Variants in LRRC7 observed in about 807,000 individuals in gnomAD.
LRRC7 encodes leucine rich repeat containing 7.
Under a neutral mutation model 175.7 loss-of-function variants are expected in LRRC7, and 23 were observed. That is an observed-to-expected ratio of 0.13 (90% CI 0.09 to 0.19). The LOEUF (loss-of-function observed/expected upper bound fraction) is 0.19. LRRC7 is among the 10% of genes least tolerant of loss of function. The probability of loss-of-function intolerance (pLI) is 1.00; values close to 1 mark genes in which losing one functional copy is unlikely to be tolerated. For missense variants in LRRC7, 1,354 were observed against 1,904.7 expected (o/e 0.71, Z 5.38); for synonymous variants, 685 against 680.9 (o/e 1.01, Z -0.09).
chr1:70,012,022 T>G, intron 12 of LRRC7, 96 bp downstream of exon 12: 1 of 788,520 alleles, frequency 1.3e-6, no homozygotes. Flanking sequence ...ATTCATGAGT[T>G]GAGCTGTGAA....
intron 1 of LRRC7, among the ~76,000 whole-genome samples, chr1:69,652,834 A>G (rs1656055858): frequency 6.6e-6 from 1 of 152,180 alleles, no homozygotes; most frequent in Admixed American, 6.5e-5. Flanking sequence ...AAACTCACTC[A>G]TATATGTTCA....
At chr1:69,972,194 C>G (rs1228023730) in intron 8 of LRRC7, among the ~76,000 whole-genome samples, 1 of 152,158 alleles carries the variant, frequency 6.6e-6, no homozygotes, top group Non-Finnish European at 1.5e-5. Flanking sequence ...TGGAAAAACC[C>G]TTCTAGATAT....
chr1:69,769,998 A>G (rs1672045813), intron 3 of LRRC7, among the ~76,000 whole-genome samples: 1 of 152,162 alleles, frequency 6.6e-6, no homozygotes, highest in Non-Finnish European at 1.5e-5. Context: ...TTACATGGAA[A>G]AAGGACAGGA....
intron 6 of LRRC7, among the ~76,000 whole-genome samples, chr1:69,836,245 G>A (rs890725617): frequency 4.0e-5 from 6 of 151,892 alleles, no homozygotes; most frequent in African/African-American, 1.2e-4. Context: ...TGCAGATCAC[G>A]ACATCACTAC....
At chr1:69,973,949 T>C (rs1022208452) in intron 8 of LRRC7, among the ~76,000 whole-genome samples, 1 of 152,188 alleles carries the variant, frequency 6.6e-6, no homozygotes, top group African/African-American at 2.4e-5. Context: ...AAAGTAGACA[T>C]CTTCTATGTT....
intron 23 of LRRC7, among the ~76,000 whole-genome samples, chr1:70,070,512 T>A (rs1662301421): frequency 6.6e-6 from 1 of 152,206 alleles, no homozygotes; most frequent in Non-Finnish European, 1.5e-5. Flanking sequence ...GATTTTTTAA[T>A]TAAAACTTGG....
At chr1:70,054,432 C>G (rs183477675) in intron 23 of LRRC7, among the ~76,000 whole-genome samples, 36 of 152,004 alleles carry the variant, frequency 2.4e-4, no homozygotes, top group Admixed American at 1.2e-3. Flanking sequence ...CATAAGAAAC[C>G]TATTGTTATA....
At chr1:69,708,898 C>T (rs1410182208) in intron 2 of LRRC7, among the ~76,000 whole-genome samples, 1 of 152,160 alleles carries the variant, frequency 6.6e-6, no homozygotes, top group East Asian at 1.9e-4. Context: ...CCATTACTTC[C>T]ACCTATTTTA....
At chr1:69,693,600 G>A (rs565646351) in intron 2 of LRRC7, among the ~76,000 whole-genome samples, 3 of 129,216 alleles carry the variant, frequency 2.3e-5, no homozygotes. Context: ...ACATTATGCA[G>A]GGCAATCTAT....
intron 7 of LRRC7, among the ~76,000 whole-genome samples, chr1:69,927,326 C>G (rs1041923295): frequency 6.6e-6 from 1 of 152,140 alleles, no homozygotes; most frequent in Admixed American, 6.5e-5. Flanking sequence ...GTGGCGTTCT[C>G]TGTATTTCCT....
At chr1:69,607,296 C>G (rs1379598019) in intron 1 of LRRC7, 3 of 152,082 alleles carry the variant, frequency 2.0e-5, no homozygotes, top group African/African-American at 4.8e-5. Context: ...ACTTGGTTCA[C>G]TAGGGCTCAT....
chr1:69,908,127 T>C (rs751611629), intron 7 of LRRC7, among the ~76,000 whole-genome samples: 5 of 152,236 alleles, frequency 3.3e-5, no homozygotes, highest in South Asian at 2.1e-4. Flanking sequence ...TCATTTTTTA[T>C]TGCGTCTATT....
intron 1 of LRRC7, among the ~76,000 whole-genome samples, chr1:69,636,862 CTT>C (rs1266276781): frequency 6.6e-6 from 1 of 151,936 alleles, no homozygotes; most frequent in Admixed American, 6.6e-5. Flanking sequence ...TACTTGGAAA[CTT>C]ATATTGATCA....
At chr1:69,701,096 A>T (rs912717441) in intron 2 of LRRC7, among the ~76,000 whole-genome samples, 1 of 152,240 alleles carries the variant, frequency 6.6e-6, no homozygotes, top group South Asian at 2.1e-4. Context: ...TCTACTAAAT[A>T]AAACTGTACT....
intron 7 of LRRC7, among the ~76,000 whole-genome samples, chr1:69,847,235 T>C (rs1442271098): frequency 1.3e-5 from 2 of 152,094 alleles, no homozygotes; most frequent in Non-Finnish European, 2.9e-5. Context: ...GTTATATCCT[T>C]TATGGTTTCT....
At chr1:70,034,458 G>T (rs1393415819) in intron 18 of LRRC7, among the ~76,000 whole-genome samples, 1 of 152,082 alleles carries the variant, frequency 6.6e-6, no homozygotes, top group Non-Finnish European at 1.5e-5. Context: ...GCTTTACTTA[G>T]GATAGGCAAT....
intron 4 of LRRC7, among the ~76,000 whole-genome samples, chr1:69,813,221 C>T (rs1678165708): frequency 6.6e-6 from 1 of 152,066 alleles, no homozygotes; most frequent in Non-Finnish European, 1.5e-5. Flanking sequence ...CTTGTGGACC[C>T]CCTTGACACC....
At position 69,705,351 on chromosome 1, in the gene LRRC7, C is replaced by T. The variant is rs140808749; in HGVS notation, c.100+26873C>T. Among the ~76,000 whole-genome samples, 826 of 152,250 alleles carry T rather than the reference C, an allele frequency of 5.4e-3. 9 individuals carry two copies. Among genetic ancestry groups the T allele is most frequent in the African/African-American group, 0.019 (791 of 41,558 alleles). On this transcript the variant is annotated intron_variant, in intron 2 of 26. Coordinates refer to ENST00000651989, the MANE Select transcript of LRRC7 (RefSeq NM_001370785.2). Reference sequence around the variant, plus strand: ...GCACAGCAGAGCTCTTAAAGCTTCTCCTTGACTTGTATTCCATTAGCCAAA... The same window carrying T: ...GCACAGCAGAGCTCTTAAAGCTTCTTCTTGACTTGTATTCCATTAGCCAAA...
chr1:69,690,082 G>A (rs146914595), intron 2 of LRRC7, among the ~76,000 whole-genome samples: 3 of 152,198 alleles, frequency 2.0e-5, no homozygotes, highest in African/African-American at 7.2e-5. Context: ...AAATTACATC[G>A]TAAGCTCTTC....
Sources: allele counts gnomAD v4.1 joint callset (sites outside exome capture counted in the v4.1 genomes callset), GRCh38; gene constraint gnomAD v4.1.1; transcripts MANE v1.5; gene names NCBI Gene and HGNC (gene_info 2026-07-23, HGNC 2026-07-21).